Variants in SUCLG2 observed in about 807,000 individuals in gnomAD.
SUCLG2 encodes succinate--CoA ligase [GDP-forming] subunit beta, mitochondrial.
A neutral mutation model predicts 47.9 loss-of-function variants in SUCLG2; 42 were observed. The ratio of observed to expected loss-of-function variants is 0.88; its 90% CI spans 0.69 to 1.14. The LOEUF (loss-of-function observed/expected upper bound fraction) is 1.14, where lower values mean the gene tolerates loss of function less well. Ranked by LOEUF, SUCLG2 falls within the 50% of genes most tolerant of loss-of-function variation. The probability of loss-of-function intolerance (pLI) is 0.00; values close to 1 mark genes in which losing one functional copy is unlikely to be tolerated. For missense variants in SUCLG2, 571 were observed against 525.9 expected (o/e 1.09, Z -0.84); for synonymous variants, 195 against 197.3 (o/e 0.99, Z 0.10).
At chr3:67,440,492 G>A (rs1055077329) in intron 9 of SUCLG2, among the ~76,000 whole-genome samples, 4 of 152,052 alleles carry the variant, frequency 2.6e-5, no homozygotes, top group African/African-American at 9.7e-5. Context: ...ATATGACAAA[G>A]GGCTAATATC....
intron 10 of SUCLG2, among the ~76,000 whole-genome samples, chr3:67,397,354 T>G (rs1181890515): frequency 6.6e-6 from 1 of 151,058 alleles, no homozygotes; most frequent in African/African-American, 2.4e-5. Context: ...TGTACAAAAA[T>G]CACAAGCATT....
At position 67,520,468 on chromosome 3, in the gene SUCLG2, G is replaced by C; in HGVS notation, c.570+14C>G. 1 of 1,613,868 alleles carries C rather than the reference G, an allele frequency of 6.2e-7. No homozygotes were observed. Among genetic ancestry groups the C allele is most frequent in the Admixed American group, 1.7e-5 (1 of 60,012 alleles). On this transcript the variant is annotated intron_variant, in intron 5 of 10. Transcript: ENST00000307227. Reference sequence around the variant, plus strand: ...CAATCAATTAATAGCAGGTAGCCCGGAATTTAAACATACCTTAAAAATGAG... The same window carrying C: ...CAATCAATTAATAGCAGGTAGCCCGCAATTTAAACATACCTTAAAAATGAG...
At chr3:67,385,055 A>G (rs1283894562) in intron 10 of SUCLG2, among the ~76,000 whole-genome samples, 1 of 152,180 alleles carries the variant, frequency 6.6e-6, no homozygotes, top group Non-Finnish European at 1.5e-5. Flanking sequence ...TCGTCCTGAT[A>G]GCAATGTGCT....
intron 1 of SUCLG2, among the ~76,000 whole-genome samples, chr3:67,616,808 C>T (rs1559598538): frequency 6.6e-6 from 1 of 152,196 alleles, no homozygotes; most frequent in Non-Finnish European, 1.5e-5. Context: ...ACTACCACCT[C>T]TAATATAAAC....
At position 67,360,680 on chromosome 3, in the gene SUCLG2, G is replaced by A. The variant is rs569657012; in HGVS notation, c.1272C>T (p.Asn424=). ...ACTTACTCAGATTTTGGTGGGCGAC[G>A]TTCTCTTGGATACCAGTTATATTCT... The change falls in exon 11 of 11, where the codon AAC becomes AAT. Residue 424 remains asparagine (N), a synonymous_variant. Coordinates refer to the SUCLG2 transcript ENST00000493112. 9 of 1,524,474 alleles carry A rather than the reference G, an allele frequency of 5.9e-6. No homozygotes were observed. The highest frequency in any genetic ancestry group is 2.4e-5 in the South Asian group (2 of 81,914). 94.4% of individuals were successfully genotyped at this position (1,524,474 alleles called of 1,614,324 possible).
chr3:67,418,469 CAA>C (rs1703083116), intron 9 of SUCLG2, among the ~76,000 whole-genome samples: 1 of 152,134 alleles, frequency 6.6e-6, no homozygotes, highest in Non-Finnish European at 1.5e-5. Flanking sequence ...TATCTAATGA[CAA>C]GAGCTTTAAC....
chr3:67,562,935 C>T (rs186576047), intron 2 of SUCLG2, among the ~76,000 whole-genome samples: 25 of 151,606 alleles, frequency 1.6e-4, no homozygotes, highest in East Asian at 5.8e-4. Flanking sequence ...CTTTTAATAC[C>T]GTAATTTCTA....
At chr3:67,495,380 C>A (rs575767607) in intron 9 of SUCLG2, among the ~76,000 whole-genome samples, 3 of 152,058 alleles carry the variant, frequency 2.0e-5, no homozygotes, top group Admixed American at 6.6e-5. Context: ...GTGGGCTGGG[C>A]GCGGTGGCTC....
At chr3:67,613,800 G>C (rs914460592) in intron 1 of SUCLG2, among the ~76,000 whole-genome samples, 8 of 152,146 alleles carry the variant, frequency 5.3e-5, no homozygotes, top group Admixed American at 5.2e-4. Context: ...AAAACTTCTG[G>C]ATCAACTGGG....
intron 2 of SUCLG2, among the ~76,000 whole-genome samples, chr3:67,588,905 T>G (rs1215623546): frequency 6.6e-6 from 1 of 152,166 alleles, no homozygotes; most frequent in Admixed American, 6.5e-5. Context: ...TGATCAGAAG[T>G]TTTCCTAACA....
chr3:67,383,063 C>T (rs1388870445), intron 10 of SUCLG2, among the ~76,000 whole-genome samples: 1 of 152,156 alleles, frequency 6.6e-6, no homozygotes, highest in East Asian at 1.9e-4. Context: ...GAATCAGAGG[C>T]AAAACTTCTG....
rs541664275 is a variant in SUCLG2, at chr3:67,489,370, T to C, written c.1062+6428A>G. 6.6e-5 allele frequency among the ~76,000 whole-genome samples: 10 copies of C among 152,304 alleles called. No homozygotes were observed. The East Asian group carries it at 9.6e-4, about 15-fold the overall frequency. ...AGATGGTTTTCCATCCTCTAGCTTA[T>C]GCAGAGTGACTTCCCTAAATAAAGA... is the stretch of plus-strand genomic sequence containing the variant. On this transcript the variant is annotated intron_variant, in intron 9 of 10. Coordinates refer to ENST00000307227, the MANE Select transcript of SUCLG2 (RefSeq NM_003848.4).
intron 2 of SUCLG2, among the ~76,000 whole-genome samples, chr3:67,531,552 T>C (rs1475725346): frequency 3.3e-5 from 5 of 152,234 alleles, no homozygotes; most frequent in African/African-American, 1.2e-4. Context: ...AGTCAAAGTA[T>C]TCCATGCAAA....
At chr3:67,375,923 C>T (rs1702027539) in intron 10 of SUCLG2, 64 bp from the exon 11 acceptor site, 11 of 1,564,374 alleles carry the variant, frequency 7.0e-6, no homozygotes, top group Non-Finnish European at 9.5e-6. Flanking sequence ...GAAGTTTGCA[C>T]AAGGACACAC....
intron 1 of SUCLG2, among the ~76,000 whole-genome samples, chr3:67,648,533 T>G (rs1361522239): frequency 1.3e-5 from 2 of 152,212 alleles, no homozygotes; most frequent in African/African-American, 4.8e-5. Flanking sequence ...GGTGACTCCC[T>G]GGCACTGTGA....
chr3:67,517,081 G>A (rs1208583967), intron 6 of SUCLG2, among the ~76,000 whole-genome samples: 3 of 152,218 alleles, frequency 2.0e-5, no homozygotes, highest in East Asian at 3.9e-4. Context: ...ACTGTCCATC[G>A]AATCCTGGCC....
At chr3:67,468,923 G>A (rs984472789) in intron 9 of SUCLG2, among the ~76,000 whole-genome samples, 4 of 152,176 alleles carry the variant, frequency 2.6e-5, no homozygotes, top group Admixed American at 6.5e-5. Context: ...AAATCCTAAC[G>A]AGGAACATGC....
chr3:67,587,200 T>C (rs924229121), intron 2 of SUCLG2, among the ~76,000 whole-genome samples: 12 of 152,272 alleles, frequency 7.9e-5, no homozygotes, highest in Middle Eastern at 3.4e-3. Flanking sequence ...ACTGAGAGGC[T>C]GAGACAGAAC....
At position 67,630,467 on chromosome 3, in the gene SUCLG2, T is replaced by C. The variant is rs183464575; in HGVS notation, c.85-20871A>G. 9.8e-3 allele frequency among the ~76,000 whole-genome samples: 624 copies of C among 63,540 alleles called. 2 individuals are homozygous for C. Among genetic ancestry groups the C allele is most frequent in the Middle Eastern group, 0.061 (9 of 148 alleles). 41.7% of individuals were successfully genotyped at this position (63,540 alleles called of 152,430 possible). A position where few individuals can be genotyped will look rare whatever the true frequency, so the allele number is the denominator to read the frequency against. On this transcript the variant is annotated intron_variant, in intron 1 of 10. Transcript: ENST00000307227. ...GCTATAAGCATTTAGTAAGTACTTA[T>C]GTGTAGGATAAATGATTTAAATATG...
Sources: gnomAD v4.1 joint callset for allele counts (sites outside exome capture counted in the v4.1 genomes callset) on GRCh38, gnomAD v4.1.1 for gene constraint, MANE v1.5 for transcripts, NCBI Gene and HGNC (gene_info 2026-07-23, HGNC 2026-07-21) for gene names.